HS3ST4: variants seen among roughly 807,000 people sequenced by gnomAD.
HS3ST4 encodes the protein heparan sulfate-glucosamine 3-sulfotransferase 4.
A neutral mutation model predicts 29.2 loss-of-function variants in HS3ST4; 17 were observed. That is an observed-to-expected ratio of 0.58 (90% CI 0.40 to 0.87). The LOEUF is 0.87. Ranked by LOEUF, HS3ST4 falls within the 40% of genes least tolerant of loss-of-function variation. The pLI is 0.00. For synonymous variants in HS3ST4, 314 were observed against 285.7 expected, an observed-to-expected ratio of 1.10 and a Z score of -1.00; for missense variants, 627 against 634.5, an observed-to-expected ratio of 0.99 and a Z score of 0.13.
At chr16:25,771,994 CT>C (rs1282683475) in intron 1 of HS3ST4, among the ~76,000 whole-genome samples, 1 of 152,162 alleles carries the variant, frequency 6.6e-6, no homozygotes, top group Non-Finnish European at 1.5e-5. Flanking sequence ...CGTTGGCAAA[CT>C]TTTTCTGTAA....
At chr16:26,011,707 A>T (rs9302440) in intron 1 of HS3ST4, among the ~76,000 whole-genome samples, 79,833 of 132,108 alleles carry the variant, frequency 0.6, 22,257 homozygotes, top group South Asian at 0.75. Flanking sequence ...TGTGTGTGAG[A>T]GAGAGACAGA....
At chr16:25,957,540 C>T (rs1398537014) in intron 1 of HS3ST4, among the ~76,000 whole-genome samples, 1 of 152,142 alleles carries the variant, frequency 6.6e-6, no homozygotes, top group Non-Finnish European at 1.5e-5. Context: ...TCGTCAGCCT[C>T]CCGAGTAGCT....
At chr16:26,023,063 A>C (rs1361721523) in intron 1 of HS3ST4, among the ~76,000 whole-genome samples, 1 of 152,316 alleles carries the variant, frequency 6.6e-6, no homozygotes, top group South Asian at 2.1e-4. Flanking sequence ...AGAAGAAAAA[A>C]AACCAACTGT....
At chr16:25,949,601 A>C (rs1968663701) in intron 1 of HS3ST4, among the ~76,000 whole-genome samples, 1 of 152,190 alleles carries the variant, frequency 6.6e-6, no homozygotes, top group Non-Finnish European at 1.5e-5. Context: ...ATTAGGCTCT[A>C]TTATGGCTAC....
chr16:26,091,502 A>G (rs1898856721), intron 1 of HS3ST4, among the ~76,000 whole-genome samples: 1 of 152,036 alleles, frequency 6.6e-6, no homozygotes, highest in Admixed American at 6.6e-5. Flanking sequence ...CTGTGGCCCA[A>G]TTTTCACGTC....
intron 1 of HS3ST4, among the ~76,000 whole-genome samples, chr16:25,924,508 T>A (rs975122456): frequency 3.3e-5 from 5 of 152,202 alleles, no homozygotes; most frequent in African/African-American, 1.2e-4. Context: ...ATATTAACTA[T>A]TATTTACTAA....
intron 1 of HS3ST4, among the ~76,000 whole-genome samples, chr16:25,701,838 T>C (rs1966336583): frequency 6.6e-6 from 1 of 152,226 alleles, no homozygotes; most frequent in African/African-American, 2.4e-5. Flanking sequence ...GAATGGGATT[T>C]ATTCTAAGAA....
At chr16:25,995,304 G>A (rs905055201) in intron 1 of HS3ST4, among the ~76,000 whole-genome samples, 4 of 152,154 alleles carry the variant, frequency 2.6e-5, no homozygotes, top group Non-Finnish European at 4.4e-5. Context: ...AAATTCCAAA[G>A]GTAGCATTTG....
chr16:26,031,027 A>G (rs1218544395), intron 1 of HS3ST4, among the ~76,000 whole-genome samples: 1 of 152,216 alleles, frequency 6.6e-6, no homozygotes, highest in Non-Finnish European at 1.5e-5. Flanking sequence ...TTGTTGAGAG[A>G]ATGAAAGTAT....
chr16:25,790,916 A>G (rs1966867833), intron 1 of HS3ST4, among the ~76,000 whole-genome samples: 2 of 152,160 alleles, frequency 1.3e-5, no homozygotes, highest in East Asian at 1.9e-4. Context: ...TAGTTAATCA[A>G]TATCTTTCTT....
chr16:25,910,907 G>A (rs527640960), intron 1 of HS3ST4, among the ~76,000 whole-genome samples: 2 of 152,232 alleles, frequency 1.3e-5, no homozygotes, highest in African/African-American at 4.8e-5. Context: ...TATCCCAGGA[G>A]CTTCGTTTGA....
intron 1 of HS3ST4, among the ~76,000 whole-genome samples, chr16:25,724,425 A>G (rs1966518156): frequency 1.3e-5 from 2 of 148,386 alleles, no homozygotes; most frequent in Non-Finnish European, 3.0e-5. Context: ...GTGTGATGGT[A>G]CCATCTTGGT....
chr16:25,757,643 G>A (rs1446110956), intron 1 of HS3ST4, among the ~76,000 whole-genome samples: 1 of 151,336 alleles, frequency 6.6e-6, no homozygotes, highest in African/African-American at 2.4e-5. Context: ...CTCCCGTCAT[G>A]CCCTGGTCAT....
At chr16:25,710,290 A>ATG (rs1234342165) in intron 1 of HS3ST4, among the ~76,000 whole-genome samples, 2 of 152,108 alleles carry the variant, frequency 1.3e-5, no homozygotes, top group Non-Finnish European at 2.9e-5. Context: ...TCTTCAGCTT[A>ATG]TGTGTGTGTG....
intron 1 of HS3ST4, among the ~76,000 whole-genome samples, chr16:25,966,619 CATCTGAAAGTTGCTCATCTCA>C (rs1968845615): frequency 6.6e-6 from 1 of 152,180 alleles, no homozygotes. Flanking sequence ...GGAAGATGAG[CATCTGAAAGTTGCTCATCTCA>C]AAGTTTCACT....
chr16:26,131,073 T>C (rs73525831), intron 1 of HS3ST4, among the ~76,000 whole-genome samples: 3,245 of 152,310 alleles, frequency 0.021, 116 homozygotes, highest in African/African-American at 0.073. Context: ...CTCTTTCTCT[T>C]GCACATACAT....
intron 1 of HS3ST4, among the ~76,000 whole-genome samples, chr16:25,808,829 C>CTGTCT (rs111713012): frequency 0.31 from 46,350 of 151,674 alleles, 7,514 homozygotes; most frequent in African/African-American, 0.4. Flanking sequence ...GATACTATAC[C>CTGTCT]TATTAAGCTT....
At chr16:25,875,616 A>G (rs904071133) in intron 1 of HS3ST4, among the ~76,000 whole-genome samples, 1 of 152,110 alleles carries the variant, frequency 6.6e-6, no homozygotes, top group Non-Finnish European at 1.5e-5. Flanking sequence ...TAAGTCCAAT[A>G]TGAGGTTCAG....
chr16:25,785,798 G>A (rs940273908), intron 1 of HS3ST4, among the ~76,000 whole-genome samples: 2 of 152,210 alleles, frequency 1.3e-5, no homozygotes, highest in Middle Eastern at 3.2e-3. Flanking sequence ...GAGAAGAAGA[G>A]GGGAAGTGAG....
Sources: allele counts gnomAD v4.1 joint callset (sites outside exome capture counted in the v4.1 genomes callset), GRCh38; gene constraint gnomAD v4.1.1; transcripts MANE v1.5; gene names NCBI Gene and HGNC (gene_info 2026-07-23, HGNC 2026-07-21).